Variants in CASP4 observed in about 807,000 individuals in gnomAD.
CASP4 encodes caspase-4.
A neutral mutation model predicts 41.3 loss-of-function variants in CASP4; 29 were observed. That is an observed-to-expected ratio of 0.70 (90% CI 0.52 to 0.96). The LOEUF (loss-of-function observed/expected upper bound fraction) is 0.96. CASP4 is among the 40% of genes least tolerant of loss of function. CASP4 has a pLI of 0.00. For synonymous variants in CASP4, 185 were observed against 158.4 expected (o/e 1.17, Z -1.26); for missense variants, 447 against 460.6 (o/e 0.97, Z 0.27).
chr11:104,951,045 G>A lies in CASP4; in HGVS notation c.426C>T (p.Cys142=), dbSNP rs369767316. ...GAGGCAGATGGTCAAACTCTGTATT[G>A]CATATGATGAGAGCCAGGCGTGTGC... The part of the protein sequence containing the change: ...NNRTRLALII[C]NTEFDHLPPR... The change falls in exon 4 of 9, where the codon TGC becomes TGT. Residue 142 remains cysteine (C), a synonymous_variant. Coordinates refer to ENST00000444739, the MANE Select transcript of CASP4 (RefSeq NM_001225.4). The A allele has an allele frequency of 3.1e-6, 5 of 1,613,252 alleles. No homozygotes were observed. The African/African-American group carries it at 6.7e-5, about 22-fold the overall frequency.
intron 1 of CASP4, among the ~76,000 whole-genome samples, chr11:104,959,357 C>T (rs2134652637): frequency 6.6e-6 from 1 of 152,218 alleles, no homozygotes; most frequent in Middle Eastern, 3.4e-3. Flanking sequence ...CAAAATATCA[C>T]ATTATCTCAC....
At chr11:104,948,501 C>T (rs1349695153) in intron 6 of CASP4, 32 bp downstream of exon 6, 1 of 1,545,276 alleles carries the variant, frequency 6.5e-7, no homozygotes, top group Non-Finnish European at 8.8e-7. Flanking sequence ...CTCAGGCCCA[C>T]AAATCCCTTA....
At chr11:104,959,707 C>A (rs1179465991) in intron 1 of CASP4, among the ~76,000 whole-genome samples, 1 of 152,102 alleles carries the variant, frequency 6.6e-6, no homozygotes, top group Admixed American at 6.5e-5. Context: ...TTTCCATATA[C>A]TAGTAAATAA....
intron 1 of CASP4, among the ~76,000 whole-genome samples, chr11:104,963,516 A>G (rs1159761311): frequency 6.6e-6 from 1 of 152,234 alleles, no homozygotes; most frequent in Non-Finnish European, 1.5e-5. Context: ...GATATCAGAA[A>G]TTACTTTGCA....
intron 3 of CASP4, 148 bp from the exon 4 acceptor site, chr11:104,951,246 A>G: frequency 1.7e-6 from 1 of 605,124 alleles, no homozygotes; most frequent in Non-Finnish European, 2.8e-6. Flanking sequence ...CTCTCTCAAG[A>G]ACCCAGGGAA....
At chr11:104,945,248 CTTTCTTT>C (rs1860427062) in intron 7 of CASP4, among the ~76,000 whole-genome samples, 1 of 78,064 alleles carries the variant, frequency 1.3e-5, no homozygotes, top group Admixed American at 2.2e-4. Context: ...AGTATCTTAT[CTTTCTTT>C]TTTTTTTTTT....
intron 6 of CASP4, chr11:104,948,279 T>A (rs918248603): frequency 4.1e-5 from 11 of 268,956 alleles, no homozygotes; most frequent in Non-Finnish European, 7.7e-5. Context: ...AAAAACACTA[T>A]GTAAAATGTT....
At chr11:104,957,122 G>GT (rs1860753983) in intron 1 of CASP4, among the ~76,000 whole-genome samples, 1 of 152,032 alleles carries the variant, frequency 6.6e-6, no homozygotes, top group Admixed American at 6.6e-5. Flanking sequence ...AATTGTGCCT[G>GT]TTTAAAGATG....
chr11:104,959,243 CT>C (rs1285537890), intron 1 of CASP4, among the ~76,000 whole-genome samples: 1 of 152,060 alleles, frequency 6.6e-6, no homozygotes, highest in Non-Finnish European at 1.5e-5. Context: ...AAATGCAACA[CT>C]ATTCAGCTTT....
intron 1 of CASP4, among the ~76,000 whole-genome samples, chr11:104,963,707 G>T (rs1413496906): frequency 4.6e-5 from 7 of 152,308 alleles, no homozygotes; most frequent in Admixed American, 3.9e-4. Context: ...TTCCATGGGG[G>T]ATGGGCTGAT....
intron 1 of CASP4, among the ~76,000 whole-genome samples, chr11:104,962,954 G>T (rs1000087858): frequency 1.3e-5 from 2 of 152,042 alleles, no homozygotes; most frequent in Admixed American, 1.3e-4. Context: ...CCTTTCTCTG[G>T]ACTACCTTGG....
chr11:104,943,033 T>A (rs1293573783), intron 8 of CASP4, 60 bp from the exon 9 acceptor site: 1 of 450,550 alleles, frequency 2.2e-6, no homozygotes, highest in African/African-American at 2.0e-5. Context: ...CTTCATCCCA[T>A]CCCTCATCAT....
At chr11:104,944,545 G>C (rs968220882) in intron 8 of CASP4, 4 of 499,382 alleles carry the variant, frequency 8.0e-6, no homozygotes, top group Non-Finnish European at 1.4e-5. Flanking sequence ...TTGATTGATT[G>C]ATTGATTGCC....
At chr11:104,953,279 GAGACACT>G (rs1182089825) in intron 2 of CASP4, among the ~76,000 whole-genome samples, 2 of 152,070 alleles carry the variant, frequency 1.3e-5, no homozygotes, top group Non-Finnish European at 2.9e-5. Context: ...AGAGCCCAGG[GAGACACT>G]AGACCCCTCC....
In CASP4 at chr11:104,954,829, A is replaced by G; in HGVS notation, c.180T>C (p.Ser60=). 6.2e-7 allele frequency: 1 copy of G among 1,613,740 alleles called. No homozygotes were observed. The highest frequency in any genetic ancestry group is 8.5e-7 in the Non-Finnish European group (1 of 1,179,704). The part of the protein sequence containing the change: ...TEDKVRVMAD[S]MQEKQRMAGQ... ...CTGCCATACGTTGCTTCTCTTGCAT[A>G]GAGTCTGCCATGACCCGAACTTTGT... The change falls in exon 2 of 9, where the codon TCT becomes TCC. Residue 60 remains serine, a synonymous_variant. Transcript: ENST00000444739.
intron 4 of CASP4, among the ~76,000 whole-genome samples, chr11:104,950,411 C>G (rs960961354): frequency 6.6e-6 from 1 of 152,002 alleles, no homozygotes; most frequent in Non-Finnish European, 1.5e-5. Flanking sequence ...GCTGTCTTGT[C>G]GCTGTTTTGT....
intron 1 of CASP4, among the ~76,000 whole-genome samples, chr11:104,960,552 C>T (rs1300438078): frequency 6.6e-6 from 1 of 152,160 alleles, no homozygotes; most frequent in East Asian, 1.9e-4. Flanking sequence ...TCACTGCAAT[C>T]TCTGCCTCCC....
chr11:104,961,104 C>T (rs1451130129), intron 1 of CASP4, among the ~76,000 whole-genome samples: 1 of 152,224 alleles, frequency 6.6e-6, no homozygotes, highest in Non-Finnish European at 1.5e-5. Context: ...TTGGTGCCCC[C>T]GCTCCAGCGA....
chr11:104,948,363 G>T, intron 6 of CASP4, 170 bp downstream of exon 6: 1 of 499,504 alleles, frequency 2.0e-6, no homozygotes, highest in Non-Finnish European at 3.2e-6. Flanking sequence ...TCCATGTATC[G>T]GGTTGCTTTA....
Sources: allele counts gnomAD v4.1 joint callset (sites outside exome capture counted in the v4.1 genomes callset), GRCh38; gene constraint gnomAD v4.1.1; transcripts MANE v1.5; gene names NCBI Gene and HGNC (gene_info 2026-07-23, HGNC 2026-07-21).